The following GRID2 variants were observed in gnomAD, a reference collection of about 807,000 sequenced individuals.
GRID2 encodes glutamate ionotropic receptor delta type subunit 2.
A neutral mutation model predicts 114.8 loss-of-function variants in GRID2; 33 were observed. That is an observed-to-expected ratio of 0.29 (90% CI 0.22 to 0.38). The LOEUF (loss-of-function observed/expected upper bound fraction) is 0.38. Ranked by LOEUF, GRID2 falls within the 10% of genes least tolerant of loss-of-function variation. The probability of loss-of-function intolerance (pLI) is 1.00; values close to 1 mark genes in which losing one functional copy is unlikely to be tolerated. For synonymous variants in GRID2, 505 were observed against 449.9 expected, an observed-to-expected ratio of 1.12 and a Z score of -1.55; for missense variants, 1,184 against 1,257.7, an observed-to-expected ratio of 0.94 and a Z score of 0.89.
At chr4:93,286,645 G>T (rs897986722) in intron 8 of GRID2, among the ~76,000 whole-genome samples, 3 of 151,408 alleles carry the variant, frequency 2.0e-5, no homozygotes, top group Non-Finnish European at 4.4e-5. Context: ...AACTTCAATT[G>T]TGAGCCCCTC....
At chr4:92,440,750 G>GA (rs1483538414) in intron 1 of GRID2, among the ~76,000 whole-genome samples, 1 of 152,052 alleles carries the variant, frequency 6.6e-6, no homozygotes, top group Non-Finnish European at 1.5e-5. Flanking sequence ...TGAGGAACAG[G>GA]AAAGAAGGAA....
intron 7 of GRID2, among the ~76,000 whole-genome samples, chr4:93,227,533 A>G (rs1745634104): frequency 6.6e-6 from 1 of 152,262 alleles, no homozygotes; most frequent in Admixed American, 6.5e-5. Flanking sequence ...GTCCCTGAAC[A>G]TAGGTTTTCA....
chr4:93,070,876 G>A (rs1381365965), intron 2 of GRID2, among the ~76,000 whole-genome samples: 2 of 152,026 alleles, frequency 1.3e-5, no homozygotes, highest in Non-Finnish European at 2.9e-5. Flanking sequence ...CTTTTGTGGA[G>A]TATGCTAGCT....
intron 6 of GRID2, among the ~76,000 whole-genome samples, chr4:93,220,133 A>G (rs899813721): frequency 6.6e-6 from 1 of 152,164 alleles, no homozygotes; most frequent in Non-Finnish European, 1.5e-5. Flanking sequence ...AAATGTTACT[A>G]TGTAGATAAA....
intron 2 of GRID2, among the ~76,000 whole-genome samples, chr4:92,658,748 A>C (rs1026029126): frequency 6.7e-5 from 10 of 150,152 alleles, no homozygotes; most frequent in Non-Finnish European, 1.3e-4. Flanking sequence ...AGAATGCTTA[A>C]TTTTGAACTA....
chr4:92,440,711 C>T (rs866677097), intron 1 of GRID2, among the ~76,000 whole-genome samples: 46 of 151,498 alleles, frequency 3.0e-4, no homozygotes, highest in African/African-American at 5.8e-4. Flanking sequence ...CTGGTGGAAC[C>T]GCCATCAATA....
At chr4:92,372,697 A>C (rs2110221206) in intron 1 of GRID2, among the ~76,000 whole-genome samples, 1 of 152,202 alleles carries the variant, frequency 6.6e-6, no homozygotes. Flanking sequence ...AGTTTCTCCA[A>C]GGTATGCCTG....
At chr4:92,709,589 A>AT (rs1553919234) in intron 2 of GRID2, among the ~76,000 whole-genome samples, 3,216 of 114,548 alleles carry the variant, frequency 0.028, 59 homozygotes, top group African/African-American at 0.045. Context: ...AAAAAAAAAA[A>AT]ATATATATAT....
In GRID2 at chr4:93,760,559, A is replaced by G. The variant is rs140925869; in HGVS notation, c.2361-8651A>G. Among the ~76,000 whole-genome samples, 237 of 152,328 alleles carry G rather than the reference A, an allele frequency of 1.6e-3. 4 individuals are homozygous for G. Among genetic ancestry groups the G allele is most frequent in the East Asian group, 0.015 (77 of 5,178 alleles). On this transcript the variant is annotated intron_variant, in intron 14 of 15. Coordinates refer to ENST00000282020, the MANE Select transcript of GRID2 (RefSeq NM_001510.4). ...ATCCAGCCTGTGTATTCAGCCCTGCAGTGGGGAGCTGGGCAGACCACTTCA... is the reference window on the plus strand; with the variant it reads ...ATCCAGCCTGTGTATTCAGCCCTGCGGTGGGGAGCTGGGCAGACCACTTCA...
At chr4:93,190,160 G>A (rs925699091) in intron 4 of GRID2, among the ~76,000 whole-genome samples, 9 of 151,966 alleles carry the variant, frequency 5.9e-5, no homozygotes, top group Admixed American at 1.3e-4. Context: ...AATGTTTCAA[G>A]AAAGGGAACT....
chr4:93,726,367 A>G (rs1256641366), intron 14 of GRID2, among the ~76,000 whole-genome samples: 1 of 152,096 alleles, frequency 6.6e-6, no homozygotes, highest in African/African-American at 2.4e-5. Context: ...TACCAGTACC[A>G]TGCTGTTTTG....
intron 2 of GRID2, among the ~76,000 whole-genome samples, chr4:92,839,780 A>G (rs1472249411): frequency 2.6e-5 from 4 of 152,026 alleles, no homozygotes; most frequent in Non-Finnish European, 4.4e-5. Flanking sequence ...TGAGGAAAAG[A>G]ATGTGTATTC....
At chr4:92,887,510 CCT>C (rs1746455691) in intron 2 of GRID2, among the ~76,000 whole-genome samples, 1 of 149,294 alleles carries the variant, frequency 6.7e-6, no homozygotes, top group African/African-American at 2.5e-5. Context: ...ATTGTGCACC[CCT>C]CTCAAGTGCT....
intron 2 of GRID2, among the ~76,000 whole-genome samples, chr4:92,619,539 A>G (rs1203061548): frequency 6.6e-6 from 1 of 151,514 alleles, no homozygotes; most frequent in Non-Finnish European, 1.5e-5. Flanking sequence ...TTAAATACCA[A>G]AACTGTTATC....
chr4:92,605,648 G>C (rs892526214), intron 2 of GRID2, among the ~76,000 whole-genome samples: 11 of 152,040 alleles, frequency 7.2e-5, no homozygotes, highest in Non-Finnish European at 1.6e-4. Context: ...AATATGAAGG[G>C]AATAGCATTC....
At chr4:92,549,956 C>A (rs1726493081) in intron 1 of GRID2, among the ~76,000 whole-genome samples, 1 of 151,918 alleles carries the variant, frequency 6.6e-6, no homozygotes, top group African/African-American at 2.4e-5. Context: ...AAGAGACAAC[C>A]CACATAACAT....
intron 1 of GRID2, among the ~76,000 whole-genome samples, chr4:92,319,495 TCA>T (rs1726192961): frequency 6.6e-6 from 1 of 152,238 alleles, no homozygotes; most frequent in Non-Finnish European, 1.5e-5. Context: ...TTTTAGAATG[TCA>T]GGTCATTCAG....
At chr4:92,845,112 T>G (rs1340084012) in intron 2 of GRID2, among the ~76,000 whole-genome samples, 1 of 152,060 alleles carries the variant, frequency 6.6e-6, no homozygotes, top group Non-Finnish European at 1.5e-5. Context: ...GTGAAAATAG[T>G]CCTGACTTGA....
At chr4:92,804,150 C>CT (rs1740301336) in intron 2 of GRID2, among the ~76,000 whole-genome samples, 2 of 152,018 alleles carry the variant, frequency 1.3e-5, no homozygotes, top group South Asian at 4.1e-4. Flanking sequence ...AAGGCCCACC[C>CT]TAACGACTTT....
Sources: gnomAD v4.1 joint callset for allele counts (sites outside exome capture counted in the v4.1 genomes callset) on GRCh38, gnomAD v4.1.1 for gene constraint, MANE v1.5 for transcripts, NCBI Gene and HGNC (gene_info 2026-07-23, HGNC 2026-07-21) for gene names.